Variants in SLC5A3 observed in about 807,000 individuals in gnomAD.
The protein encoded by SLC5A3 is solute carrier family 5 member 3, also known as sodium/myo-inositol cotransporter.
In SLC5A3, 10 loss-of-function variants were observed where a neutral mutation model predicts 43.2. The ratio of observed to expected loss-of-function variants is 0.23; its 90% CI spans 0.14 to 0.39. The LOEUF (loss-of-function observed/expected upper bound fraction) is 0.39. SLC5A3 is among the 10% of genes least tolerant of loss of function. The pLI is 1.00. For synonymous variants in SLC5A3, 349 were observed against 322.0 expected, an observed-to-expected ratio of 1.08 and a Z score of -0.90; for missense variants, 608 against 893.4, an observed-to-expected ratio of 0.68 and a Z score of 4.07.
Position 34,095,101 on chromosome 21 carries a change from G to T in SLC5A3, c.-98G>T. ...CTGCTGTGTTGCTCTGTGTAGTCCA[G>T]TTCACGTATGGTTTACAGACTTGGC... On this transcript the variant is annotated 5_prime_UTR_variant, in exon 2 of 2. Coordinates refer to ENST00000381151, the MANE Select transcript of SLC5A3 (RefSeq NM_006933.7). 1 of 1,502,988 alleles carries T rather than the reference G, an allele frequency of 6.7e-7. No homozygotes were observed. Among genetic ancestry groups the T allele is most frequent in the Non-Finnish European group, 8.9e-7 (1 of 1,120,668 alleles). The allele number at this position is 1,502,988 out of a possible 1,614,324, so 93.1% of individuals were successfully genotyped here.
Position 34,102,431 on chromosome 21 carries a change from T to C in SLC5A3, c.*5076T>C, listed in dbSNP as rs555565031. ...AAAAAGAGGGATTAGTTTTTTTGTT[T>C]TGGGGTAAGCACCTAATTTATCCAG... On this transcript the variant is annotated 3_prime_UTR_variant, in exon 2 of 2. Coordinates refer to ENST00000381151, the MANE Select transcript of SLC5A3 (RefSeq NM_006933.7). 3.4e-5 allele frequency: 34 copies of C among 999,966 alleles called. No individual in the cohort carries two copies. The Admixed American group carries it at 2.1e-3, about 62-fold the overall frequency. 61.9% of individuals were successfully genotyped at this position (999,966 alleles called of 1,614,324 possible). A position where few individuals can be genotyped will look rare whatever the true frequency, so the allele number is the denominator to read the frequency against.
At position 34,096,392 on chromosome 21, in the gene SLC5A3, C is replaced by T; in HGVS notation, c.1194C>T (p.Ile398=). The stretch of plus-strand genomic sequence containing the variant: ...TCACCCTCGATGTGTACAAACTTAT[C>T]CGCAAGAGCGCAAGCTCCCGGGAGT... ...TIFTLDVYKL[I]RKSASSRELM... The change falls in exon 2 of 2, where the codon ATC becomes ATT. Residue 398 remains isoleucine, a synonymous_variant. Coordinates refer to ENST00000381151, the MANE Select transcript of SLC5A3 (RefSeq NM_006933.7). The surrounding 1 kb of genome is among the most constrained non-coding windows in gnomAD (Gnocchi z 5.9). 3 of 1,614,166 alleles carry T rather than the reference C, an allele frequency of 1.9e-6. 1 individual carries two copies. Among genetic ancestry groups the T allele is most frequent in the South Asian group, 2.2e-5 (2 of 91,078 alleles).
chr21:34,077,140 A>G (rs1989351657), intron 1 of SLC5A3, among the ~76,000 whole-genome samples: 1 of 152,216 alleles, frequency 6.6e-6, no homozygotes, highest in African/African-American at 2.4e-5. Flanking sequence ...GAGTGGGAAA[A>G]TGGTTGAAGC....
Position 34,102,374 on chromosome 21 carries a change from TTC to T in SLC5A3, c.*5021_*5022del, listed in dbSNP as rs1979279663. 2 of 995,452 alleles carry T rather than the reference TTC, an allele frequency of 2.0e-6. No homozygotes were observed. Among genetic ancestry groups the T allele is most frequent in the Non-Finnish European group, 2.4e-6 (2 of 829,610 alleles). 61.7% of individuals were successfully genotyped at this position (995,452 alleles called of 1,614,324 possible). On this transcript the variant is annotated 3_prime_UTR_variant, in exon 2 of 2. Transcript: ENST00000381151. ...GGAATGTTGTGAGAATTGATGTAAT[TTC>T]TGTTTCTGTTTCCATCTAAACTTCT... is the stretch of plus-strand genomic sequence containing the variant.
Position 34,099,268 on chromosome 21 carries a change from A to C in SLC5A3, c.*1913A>C. ...TAGAGCTCATCATTTTCTTGTTTGG[A>C]AGTTGAGGCTGCGACATGTCCAAGG... On this transcript the variant is annotated 3_prime_UTR_variant, in exon 2 of 2. Coordinates refer to ENST00000381151, the MANE Select transcript of SLC5A3 (RefSeq NM_006933.7). 1.0e-6 allele frequency: 1 copy of C among 1,000,064 alleles called. No homozygotes were observed. The highest frequency in any genetic ancestry group is 1.2e-6 in the Non-Finnish European group (1 of 829,946). 61.9% of individuals were successfully genotyped at this position (1,000,064 alleles called of 1,614,324 possible). A position where few individuals can be genotyped will look rare whatever the true frequency, so the allele number is the denominator to read the frequency against.
At position 34,097,491 on chromosome 21, in the gene SLC5A3, C is replaced by CT; in HGVS notation, c.*137dup. On this transcript the variant is annotated 3_prime_UTR_variant, in exon 2 of 2. Coordinates refer to ENST00000381151, the MANE Select transcript of SLC5A3 (RefSeq NM_006933.7). ...CAAATTTTACTTAGCAGAAAATCAT[C>CT]TAATTACAAGACTTTATTTTCCCAG... The CT allele has an allele frequency of 7.0e-7, 1 of 1,431,034 alleles. No individual in the cohort carries two copies. 88.6% of individuals were successfully genotyped at this position (1,431,034 alleles called of 1,614,324 possible). A position where few individuals can be genotyped will look rare whatever the true frequency, so the allele number is the denominator to read the frequency against.
At position 34,097,153 on chromosome 21, in the gene SLC5A3, G is replaced by T. The variant is rs762929400; in HGVS notation, c.1955G>T (p.Gly652Val). The T allele has an allele frequency of 6.2e-7, 1 of 1,614,060 alleles. No individual in the cohort carries two copies. Among genetic ancestry groups the T allele is most frequent in the South Asian group, 1.1e-5 (1 of 91,078 alleles). The change falls in exon 2 of 2, where the codon GGT becomes GTT. Residue 652 changes from glycine to valine, a missense_variant. Transcript: ENST00000381151. ...KERKKETDDG[G>V]RYWKFIDWFC... ...AGAAAGAAAGAAACGGATGATGGAGGTCGGTACTGGAAGTTCATAGACTGG... is the reference window on the plus strand; with the variant it reads ...AGAAAGAAAGAAACGGATGATGGAGTTCGGTACTGGAAGTTCATAGACTGG...
Position 34,096,193 on chromosome 21 carries a change from A to G in SLC5A3, c.995A>G (p.Asn332Ser), listed in dbSNP as rs754849326. The G allele has an allele frequency of 1.8e-5, 29 of 1,614,194 alleles. No individual in the cohort carries two copies. Among genetic ancestry groups the G allele is most frequent in the Non-Finnish European group, 2.4e-5 (28 of 1,180,020 alleles). Residue 332 changes from asparagine (N) to serine (S), a missense_variant, in exon 2 of 2, where the codon AAC (asparagine) becomes AGC (serine). This residue lies in a region of SLC5A3 where 398 missense variants were observed against 668.6 expected (regional missense o/e 0.60). Transcript: ENST00000381151. The surrounding 1 kb of genome is among the most constrained non-coding windows in gnomAD (Gnocchi z 5.9). ...ILFTDDIACINPEHCMLVCGS... is the reference protein window; with the variant it reads ...ILFTDDIACISPEHCMLVCGS... ...TTTACTGATGATATAGCTTGCATCA[A>G]CCCAGAGCACTGCATGCTGGTGTGT...
rs74377635 is a variant in SLC5A3, at chr21:34,077,107, G to A, written c.-337+3362G>A. Reference sequence around the variant, plus strand: ...GGTAGATGAGGAGAAGGGGTCATGTGTTTGGTGAGTGAGCTCTCTTGTGAG... The same window carrying A: ...GGTAGATGAGGAGAAGGGGTCATGTATTTGGTGAGTGAGCTCTCTTGTGAG... On this transcript the variant is annotated intron_variant, in intron 1 of 1. Coordinates refer to ENST00000381151, the MANE Select transcript of SLC5A3 (RefSeq NM_006933.7). 7.4e-3 allele frequency among the ~76,000 whole-genome samples: 1,132 copies of A among 152,326 alleles called. 14 individuals carry two copies. Among genetic ancestry groups the A allele is most frequent in the African/African-American group, 0.026 (1,086 of 41,554 alleles).
Position 34,073,763 on chromosome 21 carries a change from A to G in SLC5A3, c.-337+18A>G. 1.3e-6 allele frequency: 2 copies of G among 1,487,886 alleles called. No individual in the cohort carries two copies. The highest frequency in any genetic ancestry group is 9.0e-7 in the Non-Finnish European group (1 of 1,110,408). 92.2% of individuals were successfully genotyped at this position (1,487,886 alleles called of 1,614,324 possible). A position where few individuals can be genotyped will look rare whatever the true frequency, so the allele number is the denominator to read the frequency against. On this transcript the variant is annotated intron_variant, in intron 1 of 1. Transcript: ENST00000381151. ...TGCAGCGGGTAAGTGACCTTCCCTC[A>G]GAGCCGGTCTTCCCGCGCGGGCGCC... is the stretch of plus-strand genomic sequence containing the variant.
chr21:34,092,905 C>T (rs905673489), intron 1 of SLC5A3, among the ~76,000 whole-genome samples: 1 of 152,146 alleles, frequency 6.6e-6, no homozygotes, highest in Admixed American at 6.5e-5. Flanking sequence ...AACAAGTGGC[C>T]TGAGGATGAC....
At position 34,095,918 on chromosome 21, in the gene SLC5A3, T is replaced by C. The variant is rs1334601736; in HGVS notation, c.720T>C (p.Asn240=). 1 of 1,614,140 alleles carries C rather than the reference T, an allele frequency of 6.2e-7. No homozygotes were observed. Among genetic ancestry groups the C allele is most frequent in the Non-Finnish European group, 8.5e-7 (1 of 1,179,980 alleles). Residue 240 remains asparagine (N), a synonymous_variant, in exon 2 of 2, where the codon AAT becomes AAC. Coordinates refer to ENST00000381151, the MANE Select transcript of SLC5A3 (RefSeq NM_006933.7). ...TYNLSNTNSC[N]VSPKKEALKM... is the part of the protein sequence containing the mutation. ...ACCTTTCCAACACAAATTCTTGTAATGTCTCCCCTAAGAAAGAAGCCCTGA... is the reference window on the plus strand; with the variant it reads ...ACCTTTCCAACACAAATTCTTGTAACGTCTCCCCTAAGAAAGAAGCCCTGA...
chr21:34,097,419 A>C lies in SLC5A3; in HGVS notation c.*64A>C. On this transcript the variant is annotated 3_prime_UTR_variant, in exon 2 of 2. Coordinates refer to ENST00000381151, the MANE Select transcript of SLC5A3 (RefSeq NM_006933.7). ...TGACTGGTCTTTGGGGAAAAAAGTT[A>C]TGTAACTGTGCATCTCTCAGGCATT... is the stretch of plus-strand genomic sequence containing the variant. 1 of 1,356,686 alleles carries C rather than the reference A, an allele frequency of 7.4e-7. No homozygotes were observed. The highest frequency in any genetic ancestry group is 2.6e-5 in the East Asian group (1 of 38,566). 84.0% of individuals were successfully genotyped at this position (1,356,686 alleles called of 1,614,324 possible).
chr21:34,097,248 T>A lies in SLC5A3; in HGVS notation c.2050T>A (p.Cys684Ser). 1 of 1,614,064 alleles carries A rather than the reference T, an allele frequency of 6.2e-7. No homozygotes were observed. Residue 684 changes from cysteine (C) to serine (S), a missense_variant, in exon 2 of 2, where the codon TGT becomes AGT. Around this residue, in one of 2 missense-constraint regions of SLC5A3, gnomAD observed 210 missense variants for 224.8 expected, o/e 0.93. Coordinates refer to ENST00000381151, the MANE Select transcript of SLC5A3 (RefSeq NM_006933.7). Reference protein sequence around the residue: ...LRDLMEEEAVCLQMLEETRQV... With the variant: ...LRDLMEEEAVSLQMLEETRQV... ...AGACCTGATGGAAGAGGAGGCTGTTTGTTTACAGATGCTAGAAGAGACTCG... is the reference window on the plus strand; with the variant it reads ...AGACCTGATGGAAGAGGAGGCTGTTAGTTTACAGATGCTAGAAGAGACTCG...
rs995213961 is a variant in SLC5A3, at chr21:34,098,345, C to T, written c.*990C>T. ...GTCCAGAAACCTGAAGAAAAATTGA[C>T]GCTGCCTTTGTGTGCTGGATTGCTC... On this transcript the variant is annotated 3_prime_UTR_variant, in exon 2 of 2. Coordinates refer to ENST00000381151, the MANE Select transcript of SLC5A3 (RefSeq NM_006933.7). 23 of 1,000,038 alleles carry T rather than the reference C, an allele frequency of 2.3e-5. No homozygotes were observed. Among genetic ancestry groups the T allele is most frequent in the Middle Eastern group, 5.2e-4 (1 of 1,938 alleles). The allele number at this position is 1,000,038 out of a possible 1,614,324, so 61.9% of individuals were successfully genotyped here.
In SLC5A3 at chr21:34,105,924, T is replaced by C. The variant is rs1979456180; in HGVS notation, c.*8569T>C. 1.0e-6 allele frequency: 1 copy of C among 989,792 alleles called. No homozygotes were observed. The highest frequency in any genetic ancestry group is 1.2e-6 in the Non-Finnish European group (1 of 820,540). 61.3% of individuals were successfully genotyped at this position (989,792 alleles called of 1,614,324 possible). On this transcript the variant is annotated 3_prime_UTR_variant, in exon 2 of 2. Coordinates refer to ENST00000381151, the MANE Select transcript of SLC5A3 (RefSeq NM_006933.7). ...TTCTAACTTGTCTATTCTAACCTAT[T>C]GTGTACAATCTGATTTTTTAAAATT...
chr21:34,092,363 A>G (rs1978741016), intron 1 of SLC5A3, among the ~76,000 whole-genome samples: 1 of 472 alleles, frequency 2.1e-3, no homozygotes, highest in Non-Finnish European at 4.2e-3. Flanking sequence ...AGTTGGAAAA[A>G]TCTAGACACG....
In SLC5A3 at chr21:34,073,601, C is replaced by T. The variant is rs1453545757; in HGVS notation, c.-481C>T. 47 of 1,061,756 alleles carry T rather than the reference C, an allele frequency of 4.4e-5. No individual in the cohort carries two copies. The highest frequency in any genetic ancestry group is 7.1e-5 in the Admixed American group (3 of 42,538). The allele number at this position is 1,061,756 out of a possible 1,614,324, so 65.8% of individuals were successfully genotyped here. On this transcript the variant is annotated 5_prime_UTR_variant, in exon 1 of 2. Transcript: ENST00000381151. ...GTGCTTTCGCCGCCTGGGAGCCGTC[C>T]GGCGCAGCAGTTTCTAGGTCCCCAC...
chr21:34,103,317 A>T lies in SLC5A3; in HGVS notation c.*5962A>T, dbSNP rs1197821394. The T allele has an allele frequency of 7.9e-6, 6 of 764,266 alleles. No individual in the cohort carries two copies. The East Asian group carries it at 3.8e-4, about 48-fold the overall frequency. 47.3% of individuals were successfully genotyped at this position (764,266 alleles called of 1,614,324 possible). A position where few individuals can be genotyped will look rare whatever the true frequency, so the allele number is the denominator to read the frequency against. ...TTTGTCGTAACTAGTGAAGGAAGTA[A>T]AAAAAAAAAAAAAACATGCATTACA... is the stretch of plus-strand genomic sequence containing the variant. On this transcript the variant is annotated 3_prime_UTR_variant, in exon 2 of 2. Transcript: ENST00000381151.
Sources: gnomAD v4.1 joint callset for allele counts (sites outside exome capture counted in the v4.1 genomes callset) on GRCh38, gnomAD v4.1.1 for gene constraint, gnomAD v4.1.1 regional missense constraint, Gnocchi (gnomAD v3.1) non-coding constraint, MANE v1.5 for transcripts, NCBI Gene and HGNC (gene_info 2026-07-23, HGNC 2026-07-21) for gene names.